Variants in OR56A3 observed in about 807,000 individuals in gnomAD.
OR56A3 encodes the protein olfactory receptor family 56 subfamily A member 3.
OR56A3 carries 23 observed loss-of-function variants against 17.5 expected under a neutral mutation model. The observed-to-expected ratio is 1.32, with a 90% CI of 0.95 to 1.87. OR56A3 has a LOEUF of 1.87. Among genes scored for constraint, OR56A3 ranks in the 40% most tolerant of loss-of-function variants. OR56A3 has a pLI of 0.00. For synonymous variants in OR56A3, 175 were observed against 150.6 expected (o/e 1.16, Z -1.19); for missense variants, 366 against 380.1 (o/e 0.96, Z 0.31).
the OR56A3 span, among the ~76,000 whole-genome samples, chr11:6,017,898 T>A: frequency 6.6e-6 from 1 of 152,026 alleles, no homozygotes; most frequent in Non-Finnish European, 1.5e-5. Context: ...AAACCAAAGG[T>A]GGACGGGAGT....
At chr11:5,979,165 T>A in the OR56A3 span, among the ~76,000 whole-genome samples, 1 of 151,650 alleles carries the variant, frequency 6.6e-6, no homozygotes, top group African/African-American at 2.4e-5. Flanking sequence ...TCATTAGGGA[T>A]ATTGGCCTGA....
chr11:5,974,580 G>C, the OR56A3 span, among the ~76,000 whole-genome samples: 1 of 152,128 alleles, frequency 6.6e-6, no homozygotes, highest in Non-Finnish European at 1.5e-5. Flanking sequence ...AACTTTCCAA[G>C]GCAAAATGGA....
chr11:5,987,215 T>C, the OR56A3 span, among the ~76,000 whole-genome samples: 1 of 152,180 alleles, frequency 6.6e-6, no homozygotes, highest in African/African-American at 2.4e-5. Flanking sequence ...CTTCAAAGAG[T>C]TATTTTTATT....
chr11:5,950,393 G>T lies in OR56A3; in HGVS notation c.*2099G>T, dbSNP rs1295266106. On this transcript the variant is annotated 3_prime_UTR_variant, in exon 3 of 3. Coordinates refer to ENST00000641160, the MANE Select transcript of OR56A3 (RefSeq NM_001003443.3). ...AAAAGTTCATATTTTAAAAGTATTT[G>T]CCTGAAAAATCTGTTTTGCTTCACT... 1 of 152,034 alleles carries T rather than the reference G, an allele frequency of 6.6e-6. No homozygotes were observed. Among genetic ancestry groups the T allele is most frequent in the Admixed American group, 6.5e-5 (1 of 15,268 alleles). 9.4% of individuals were successfully genotyped at this position (152,034 alleles called of 1,614,324 possible). A position where few individuals can be genotyped will look rare whatever the true frequency, so the allele number is the denominator to read the frequency against.
chr11:6,002,670 T>C, the OR56A3 span: 2 of 1,614,168 alleles, frequency 1.2e-6, no homozygotes, highest in Non-Finnish European at 1.7e-6. Context: ...CAAAAAACTG[T>C]TCATGATGAA....
chr11:6,004,785 C>G, the OR56A3 span, among the ~76,000 whole-genome samples: 1 of 152,144 alleles, frequency 6.6e-6, no homozygotes, highest in South Asian at 2.1e-4. Context: ...TTCCAATAAT[C>G]TCAAGTATAG....
Position 5,947,210 on chromosome 11 carries a change from A to G in OR56A3, c.-36-101A>G, listed in dbSNP as rs550061205. ...AAAACAGATGAATTCGCTTGGCTCT[A>G]CATAACCTGCTAGAAACCACAAGTT... On this transcript the variant is annotated intron_variant, in intron 2 of 2. Transcript: ENST00000641160. 79 of 766,574 alleles carry G rather than the reference A, an allele frequency of 1.0e-4. No homozygotes were observed. The African/African-American group carries it at 1.1e-3, about 11-fold the overall frequency. 47.5% of individuals were successfully genotyped at this position (766,574 alleles called of 1,614,324 possible).
chr11:6,019,489 A>G, the OR56A3 span: 1 of 152,306 alleles, frequency 6.6e-6, no homozygotes, highest in Admixed American at 6.5e-5. Flanking sequence ...ACAGTTCCAC[A>G]TGGCTGGGGA....
intron 2 of OR56A3, among the ~76,000 whole-genome samples, chr11:5,945,601 A>AAG (rs1554887504): frequency 0.049 from 6,660 of 136,934 alleles, 606 homozygotes; most frequent in African/African-American, 0.18. Context: ...AAAAAAAAAA[A>AAG]AATTATTTCT....
the OR56A3 span, among the ~76,000 whole-genome samples, chr11:5,988,759 G>T: frequency 1.3e-5 from 2 of 152,108 alleles, no homozygotes; most frequent in African/African-American, 2.4e-5. Flanking sequence ...TTTGACAACC[G>T]CATGTTAACA....
At chr11:5,962,607 C>T in the OR56A3 span, among the ~76,000 whole-genome samples, 5 of 150,106 alleles carry the variant, frequency 3.3e-5, no homozygotes, top group African/African-American at 4.9e-5. Flanking sequence ...GGCGCAATCT[C>T]GGCTCACTGC....
chr11:5,954,711 A>T (rs1311272317), downstream of OR56A3, among the ~76,000 whole-genome samples: 1 of 152,210 alleles, frequency 6.6e-6, no homozygotes. Flanking sequence ...CACTTCAACC[A>T]GAAAGAAATA....
At chr11:5,993,348 C>T in the OR56A3 span, among the ~76,000 whole-genome samples, 3 of 152,206 alleles carry the variant, frequency 2.0e-5, no homozygotes, top group African/African-American at 4.8e-5. Flanking sequence ...AGAAGTCAAG[C>T]ATAGATGGTG....
At chr11:5,968,491 T>A in the OR56A3 span, 1 of 1,549,732 alleles carries the variant, frequency 6.5e-7, no homozygotes, top group Non-Finnish European at 8.7e-7. Flanking sequence ...CTGGGTAATG[T>A]CATGAAATAA....
chr11:5,983,625 A>G, the OR56A3 span, among the ~76,000 whole-genome samples: 7 of 152,172 alleles, frequency 4.6e-5, no homozygotes, highest in African/African-American at 1.7e-4. Context: ...ATACTTCCAC[A>G]GAGGAAGGCT....
the OR56A3 span, among the ~76,000 whole-genome samples, chr11:5,959,115 T>C: frequency 1.3e-5 from 2 of 152,192 alleles, no homozygotes; most frequent in Non-Finnish European, 2.9e-5. Context: ...CTTCAACATA[T>C]GATTTTCTTT....
chr11:6,018,842 G>T, the OR56A3 span, among the ~76,000 whole-genome samples: 17 of 151,828 alleles, frequency 1.1e-4, no homozygotes, highest in Non-Finnish European at 2.4e-4. Context: ...CAAAAAAGAA[G>T]ATATTACAAC....
the OR56A3 span, among the ~76,000 whole-genome samples, chr11:5,961,752 T>TAAAAA: frequency 7.4e-6 from 1 of 134,478 alleles, no homozygotes; most frequent in African/African-American, 2.8e-5. Flanking sequence ...AATAAATACT[T>TAAAAA]AAAAAAAAAA....
chr11:6,012,004 G>A, the OR56A3 span, among the ~76,000 whole-genome samples: 25 of 152,338 alleles, frequency 1.6e-4, no homozygotes, highest in East Asian at 4.6e-3. Flanking sequence ...CAAAGAGGGA[G>A]TCACAGCCCC....
Sources: gnomAD v4.1 joint callset for allele counts (sites outside exome capture counted in the v4.1 genomes callset) on GRCh38, gnomAD v4.1.1 for gene constraint, MANE v1.5 for transcripts, NCBI Gene and HGNC (gene_info 2026-07-23, HGNC 2026-07-21) for gene names.